The following ZHX2 variants were observed in gnomAD, a reference collection of about 807,000 sequenced individuals.
The protein encoded by ZHX2 is zinc fingers and homeoboxes 2, also known as zinc fingers and homeoboxes protein 2.
In ZHX2, 6 loss-of-function variants were observed where a neutral mutation model predicts 21.9. The observed-to-expected ratio is 0.27, with a 90% confidence interval of 0.15 to 0.54. The LOEUF (loss-of-function observed/expected upper bound fraction) is 0.54. Ranked by LOEUF, ZHX2 falls within the 20% of genes least tolerant of loss-of-function variation. ZHX2 has a pLI of 0.95. For missense variants in ZHX2, 908 were observed against 1,090.7 expected (o/e 0.83, Z 2.36); for synonymous variants, 434 against 437.1 (o/e 0.99, Z 0.09).
intron 3 of ZHX2, among the ~76,000 whole-genome samples, chr8:122,966,478 G>A (rs796582978): frequency 6.6e-6 from 1 of 152,164 alleles, no homozygotes; most frequent in South Asian, 2.1e-4. Flanking sequence ...CTAAAGATGG[G>A]ATCCCAGTCA....
intron 1 of ZHX2, among the ~76,000 whole-genome samples, chr8:122,842,549 C>CA (rs11415233): frequency 0.062 from 9,493 of 152,022 alleles, 315 homozygotes; most frequent in Middle Eastern, 0.1. Context: ...ACTAAAAACA[C>CA]AAAAAAATAG....
chr8:122,793,491 C>T (rs1198197216), intron 1 of ZHX2, among the ~76,000 whole-genome samples: 1 of 152,214 alleles, frequency 6.6e-6, no homozygotes, highest in Non-Finnish European at 1.5e-5. Flanking sequence ...GCTCCCCATA[C>T]ATGAGAAAAC....
chr8:122,802,907 G>C (rs1817747086), intron 1 of ZHX2, among the ~76,000 whole-genome samples: 1 of 152,068 alleles, frequency 6.6e-6, no homozygotes, highest in South Asian at 2.1e-4. Context: ...AGGCTGACAG[G>C]CTGTCACCCG....
At chr8:122,853,128 C>G (rs879280934) in intron 1 of ZHX2, among the ~76,000 whole-genome samples, 8 of 152,128 alleles carry the variant, frequency 5.3e-5, no homozygotes, top group Non-Finnish European at 7.4e-5. Flanking sequence ...TTTTTTTGTA[C>G]TTTACTGATT....
chr8:122,953,204 A>G lies in ZHX2; in HGVS notation c.1694A>G (p.Glu565Gly). ...TQAELDRLRV[E>G]TKLSRREIDS... ...GCAGAACTGGATCGGCTAAGGGTGG[A>G]GACCAAGCTGAGCAGGAGAGAGATC... is the stretch of plus-strand genomic sequence containing the variant. Residue 565 changes from glutamate to glycine, a missense_variant, in exon 3 of 4, where the codon GAG becomes GGG. Physicochemically the swap from Glu to Gly is moderately conservative, Grantham distance 98. Around this residue, in one of 4 missense-constraint regions of ZHX2, gnomAD observed 431 missense variants for 428.6 expected, o/e 1.01. Coordinates refer to ENST00000314393, the MANE Select transcript of ZHX2 (RefSeq NM_014943.5). The surrounding 1 kb of genome is among the most constrained non-coding windows in gnomAD (Gnocchi z 4.6). The G allele has an allele frequency of 6.2e-7, 1 of 1,613,908 alleles. No homozygotes were observed. The highest frequency in any genetic ancestry group is 8.5e-7 in the Non-Finnish European group (1 of 1,180,014).
intron 1 of ZHX2, among the ~76,000 whole-genome samples, chr8:122,785,081 T>C (rs1029194089): frequency 6.6e-6 from 1 of 152,182 alleles, no homozygotes. Context: ...AGTGCTATGA[T>C]TGAGAAAACT....
At chr8:122,841,483 G>A (rs765394576) in intron 1 of ZHX2, among the ~76,000 whole-genome samples, 2 of 151,350 alleles carry the variant, frequency 1.3e-5, no homozygotes, top group Admixed American at 1.3e-4. Context: ...ACAGTAGGGA[G>A]TCAGGAACAG....
intron 2 of ZHX2, among the ~76,000 whole-genome samples, chr8:122,886,583 C>T (rs1013399328): frequency 7.9e-5 from 12 of 152,160 alleles, no homozygotes; most frequent in Admixed American, 5.9e-4. Flanking sequence ...AGGGATTATA[C>T]GGAACCCCTC....
intron 1 of ZHX2, among the ~76,000 whole-genome samples, chr8:122,793,791 A>G (rs1252488584): frequency 1.3e-5 from 2 of 152,190 alleles, no homozygotes; most frequent in African/African-American, 4.8e-5. Context: ...TTAATCGCAG[A>G]AGCTTGGGGG....
intron 1 of ZHX2, among the ~76,000 whole-genome samples, chr8:122,796,975 C>T (rs770773064): frequency 1.3e-5 from 2 of 152,082 alleles, no homozygotes; most frequent in Admixed American, 6.6e-5. Flanking sequence ...AGATGCAGGC[C>T]GGCCAGGGGG....
intron 2 of ZHX2, among the ~76,000 whole-genome samples, chr8:122,909,664 C>T (rs1007815781): frequency 6.6e-6 from 1 of 151,996 alleles, no homozygotes; most frequent in Non-Finnish European, 1.5e-5. Flanking sequence ...CTGGGAGGTG[C>T]CAGGGCGTGG....
intron 3 of ZHX2, among the ~76,000 whole-genome samples, chr8:122,956,432 G>T (rs1472440242): frequency 1.3e-5 from 2 of 152,206 alleles, no homozygotes; most frequent in African/African-American, 4.8e-5. Context: ...GCACGGCTCT[G>T]GGTCAGGGCT....
intron 1 of ZHX2, among the ~76,000 whole-genome samples, chr8:122,795,368 C>T (rs1347339599): frequency 1.3e-5 from 2 of 152,248 alleles, no homozygotes; most frequent in African/African-American, 4.8e-5. Flanking sequence ...CCTCCCTGGC[C>T]TAGCCCTGCT....
intron 2 of ZHX2, among the ~76,000 whole-genome samples, chr8:122,912,095 A>G (rs1294964581): frequency 1.3e-5 from 2 of 152,138 alleles, no homozygotes; most frequent in African/African-American, 4.8e-5. Context: ...ATTTTTGCAA[A>G]CTGGGTTCAT....
At chr8:122,806,012 C>T (rs1817815803) in intron 1 of ZHX2, among the ~76,000 whole-genome samples, 1 of 152,196 alleles carries the variant, frequency 6.6e-6, no homozygotes, top group South Asian at 2.1e-4. Flanking sequence ...TCTCTAACTC[C>T]CATTCTCATC....
In ZHX2 at chr8:122,871,839, TC is replaced by T. The variant is rs200220647; in HGVS notation, c.-220+8302del. On this transcript the variant is annotated intron_variant, in intron 2 of 3. Transcript: ENST00000314393. ...CTGATTTTAGGATTAGTGTTTATCA[TC>T]CTAGAGATGTCCAACATGGGCCTGG... 1.9e-3 allele frequency among the ~76,000 whole-genome samples: 292 copies of T among 151,356 alleles called. 1 individual carries two copies. Among genetic ancestry groups the T allele is most frequent in the African/African-American group, 6.5e-3 (268 of 41,236 alleles).
Position 122,830,859 on chromosome 8 carries a change from T to C in ZHX2, c.-282-32618T>C, listed in dbSNP as rs146681432. On this transcript the variant is annotated intron_variant, in intron 1 of 3. Coordinates refer to ENST00000314393, the MANE Select transcript of ZHX2 (RefSeq NM_014943.5). ...GTGCTTTTGGTGTTGCACAGTTTCA[T>C]GAGGGCAAAAGGGAGATGTTTTGTC... is the stretch of plus-strand genomic sequence containing the variant. Among the ~76,000 whole-genome samples, 1,104 of 152,322 alleles carry C rather than the reference T, an allele frequency of 7.2e-3. 5 individuals carry two copies. The highest frequency in any genetic ancestry group is 0.014 in the Admixed American group (208 of 15,294).
intron 2 of ZHX2, among the ~76,000 whole-genome samples, chr8:122,940,001 C>T (rs1812801807): frequency 6.6e-6 from 1 of 152,204 alleles, no homozygotes. Context: ...TCATTCGGGC[C>T]AGTTCTGCAG....
intron 2 of ZHX2, among the ~76,000 whole-genome samples, chr8:122,936,355 G>A (rs971732675): frequency 6.6e-6 from 1 of 152,212 alleles, no homozygotes; most frequent in African/African-American, 2.4e-5. Flanking sequence ...AAGTTTGTGA[G>A]TGGCTTACTT....
Sources: allele counts gnomAD v4.1 joint callset (sites outside exome capture counted in the v4.1 genomes callset), GRCh38; gene constraint gnomAD v4.1.1; regional missense constraint gnomAD v4.1.1; non-coding constraint Gnocchi (gnomAD v3.1); transcripts MANE v1.5; gene names NCBI Gene and HGNC (gene_info 2026-07-23, HGNC 2026-07-21).